Variants in ADGRG3 observed in about 807,000 individuals in gnomAD.
The protein encoded by ADGRG3 is G protein-coupled receptor 97.
ADGRG3 carries 39 observed loss-of-function variants against 54.3 expected under a neutral mutation model. The observed-to-expected ratio is 0.72, with a 90% CI of 0.56 to 0.94. The LOEUF (loss-of-function observed/expected upper bound fraction) is 0.94. ADGRG3 is among the 40% of genes least tolerant of loss of function. The pLI, the probability that ADGRG3 is intolerant of heterozygous loss-of-function variation, is 0.00. For synonymous variants in ADGRG3, 312 were observed against 290.0 expected (o/e 1.08, Z -0.77); for missense variants, 654 against 694.6 (o/e 0.94, Z 0.66).
At chr16:57,673,750 T>C (rs1166227407) in intron 2 of ADGRG3, among the ~76,000 whole-genome samples, 2 of 152,038 alleles carry the variant, frequency 1.3e-5, no homozygotes, top group Admixed American at 6.6e-5. Flanking sequence ...CCAGAGTGTA[T>C]ACAGAATGGC....
Position 57,688,403 on chromosome 16 carries a change from CCA to C in ADGRG3, c.1595_1596del (p.Thr532SerfsTer34). On this transcript the variant is annotated frameshift_variant, in exon 12 of 12. Coordinates refer to ENST00000333493, the MANE Select transcript of ADGRG3 (RefSeq NM_170776.5). LOFTEE classifies it low-confidence loss of function (END_TRUNC). Reference sequence around the variant, plus strand: ...ATCCTTTACCTCCCAAGTCAGAGCACCACAGTCTCCTCCTCTACTGCAAGATT... The same window carrying C: ...ATCCTTTACCTCCCAAGTCAGAGCACCAGTCTCCTCCTCTACTGCAAGATT... 2 of 1,613,774 alleles carry C rather than the reference CCA, an allele frequency of 1.2e-6. No individual in the cohort carries two copies. The highest frequency in any genetic ancestry group is 1.7e-6 in the Non-Finnish European group (2 of 1,179,682).
At chr16:57,686,698 G>A (rs1965228) in intron 11 of ADGRG3, 52,168 of 152,036 alleles carry the variant, frequency 0.34, 9,377 homozygotes, top group African/African-American at 0.45. Context: ...CATGGCTGCC[G>A]TAACCCTACC....
chr16:57,686,296 G>A (rs2048471437), intron 11 of ADGRG3, among the ~76,000 whole-genome samples: 1 of 152,152 alleles, frequency 6.6e-6, no homozygotes, highest in Non-Finnish European at 1.5e-5. Context: ...CACATGGCGA[G>A]AGTGGGAGCA....
Position 57,682,543 on chromosome 16 carries a change from C to T in ADGRG3, c.882-1389C>T, listed in dbSNP as rs139592712. ...AGCCGAGTGTGACTTGCCAGCTGGC[C>T]GCATTGCTGGACCCTGTGAGCGGGG... On this transcript the variant is annotated intron_variant, in intron 8 of 11. Transcript: ENST00000333493. 3,466 of 985,396 alleles carry T rather than the reference C, an allele frequency of 3.5e-3. 8 individuals carry two copies. The highest frequency in any genetic ancestry group is 3.8e-3 in the Non-Finnish European group (3,158 of 829,880). The allele number at this position is 985,396 out of a possible 1,614,324, so 61.0% of individuals were successfully genotyped here.
intron 11 of ADGRG3, among the ~76,000 whole-genome samples, chr16:57,687,097 T>A (rs1386332296): frequency 6.6e-6 from 1 of 152,168 alleles, no homozygotes; most frequent in African/African-American, 2.4e-5. Flanking sequence ...CAGGACTGGC[T>A]CCCAGCGCCC....
chr16:57,676,260 G>T lies in ADGRG3; in HGVS notation c.267G>T (p.Thr89=). 6.2e-7 allele frequency: 1 copy of T among 1,614,002 alleles called. No individual in the cohort carries two copies. Among genetic ancestry groups the T allele is most frequent in the Non-Finnish European group, 8.5e-7 (1 of 1,179,884 alleles). Reference sequence around the variant, plus strand: ...AAGGTTTGACGCAGAAGGTGAACACGCCTTTCCTGAAGGCTTTGGTCCAGA... The same window carrying T: ...AAGGTTTGACGCAGAAGGTGAACACTCCTTTCCTGAAGGCTTTGGTCCAGA... ...MKEGLTQKVN[T]PFLKALVQNL... The change falls in exon 3 of 12, where the codon ACG becomes ACT. Residue 89 remains threonine (T), a synonymous_variant. Transcript: ENST00000333493.
At chr16:57,682,572 G>T (rs1360121645) in intron 8 of ADGRG3, 3 of 985,322 alleles carry the variant, frequency 3.0e-6, no homozygotes, top group East Asian at 1.1e-4. Context: ...AGCGGGGCTT[G>T]GAGCGCCAGG....
rs200417931 is a variant in ADGRG3, at chr16:57,679,230, G to A, written c.546G>A (p.Val182=). The change falls in exon 5 of 12, where the codon GTG becomes GTA. Residue 182 remains valine, a synonymous_variant. Transcript: ENST00000333493. The part of the protein sequence containing the change: ...DGSGVLNNRL[V]GLSVGQMHVT... ...GCGGCGTGTTGAACAATCGCCTGGTGGGTTTGAGTGTGGGACAAATGCATG... is the reference window on the plus strand; with the variant it reads ...GCGGCGTGTTGAACAATCGCCTGGTAGGTTTGAGTGTGGGACAAATGCATG... 6.8e-6 allele frequency: 11 copies of A among 1,613,920 alleles called. No individual in the cohort carries two copies. Among genetic ancestry groups the A allele is most frequent in the Middle Eastern group, 1.6e-4 (1 of 6,080 alleles).
At chr16:57,670,605 T>C (rs1445466218) in intron 1 of ADGRG3, among the ~76,000 whole-genome samples, 1 of 152,032 alleles carries the variant, frequency 6.6e-6, no homozygotes, top group Non-Finnish European at 1.5e-5. Context: ...CCAACATAGA[T>C]CATACTATAT....
Position 57,679,849 on chromosome 16 carries a change from A to G in ADGRG3, c.661A>G (p.Thr221Ala). Reference protein sequence around the residue: ...MTLTCVFWDVTKGTTGDWSSE... With the variant: ...MTLTCVFWDVAKGTTGDWSSE... ...CCTCACCTGTGTATTCTGGGATGTGACTAAAGGTAGGGCCCGGAGGACCTT... is the reference window on the plus strand; with the variant it reads ...CCTCACCTGTGTATTCTGGGATGTGGCTAAAGGTAGGGCCCGGAGGACCTT... The change falls in exon 6 of 12, where the codon ACT (threonine) becomes GCT (alanine). Residue 221 changes from threonine (T) to alanine (A), a missense_variant. Coordinates refer to ENST00000333493, the MANE Select transcript of ADGRG3 (RefSeq NM_170776.5). 1 of 1,612,094 alleles carries G rather than the reference A, an allele frequency of 6.2e-7. No homozygotes were observed. Among genetic ancestry groups the G allele is most frequent in the Non-Finnish European group, 8.5e-7 (1 of 1,178,460 alleles).
intron 6 of ADGRG3, 37 bp from the exon 7 acceptor site, chr16:57,680,228 A>G: frequency 1.6e-6 from 2 of 1,245,704 alleles, no homozygotes; most frequent in Non-Finnish European, 1.1e-6. Flanking sequence ...CCCTCCCTAT[A>G]TTCCCTTTCC....
chr16:57,667,905 C>G (rs1333631046), upstream of ADGRG3, among the ~76,000 whole-genome samples: 1 of 152,246 alleles, frequency 6.6e-6, no homozygotes, highest in African/African-American at 2.4e-5. Context: ...CCATTGCCAT[C>G]TTCACTTTAC....
At chr16:57,666,383 G>C (rs1016198420), upstream of ADGRG3, among the ~76,000 whole-genome samples, 4 of 152,248 alleles carry the variant, frequency 2.6e-5, no homozygotes, top group Admixed American at 6.5e-5. Context: ...GTTCCATGCT[G>C]ATCCTTTTAC....
At chr16:57,670,723 C>G (rs1023994033) in intron 1 of ADGRG3, among the ~76,000 whole-genome samples, 21 of 152,144 alleles carry the variant, frequency 1.4e-4, no homozygotes, top group African/African-American at 5.1e-4. Context: ...AACGAATTAT[C>G]ACATATAGAG....
At chr16:57,679,775 T>C in intron 5 of ADGRG3, 41 bp from the exon 6 acceptor site, 3 of 1,570,452 alleles carry the variant, frequency 1.9e-6, no homozygotes, top group Non-Finnish European at 2.6e-6. Context: ...TCCCCCAAAC[T>C]TCCCTTTTCC....
upstream of ADGRG3, among the ~76,000 whole-genome samples, chr16:57,667,771 C>T (rs994894746): frequency 6.6e-6 from 1 of 152,218 alleles, no homozygotes; most frequent in Non-Finnish European, 1.5e-5. Context: ...TCTCCTCCCA[C>T]ACCCTCCAGC....
chr16:57,688,222 A>T, intron 11 of ADGRG3, 130 bp from the exon 12 acceptor site: 1 of 674,040 alleles, frequency 1.5e-6, no homozygotes, highest in Non-Finnish European at 2.7e-6. Flanking sequence ...AAATGGTTGC[A>T]TTTTTGCCTT....
At chr16:57,688,309 C>T in intron 11 of ADGRG3, 43 bp from the exon 12 acceptor site, 5 of 1,283,700 alleles carry the variant, frequency 3.9e-6, no homozygotes, top group East Asian at 4.6e-5. Flanking sequence ...CCACTCTCTG[C>T]CCACCCCTTT....
chr16:57,680,715 T>C lies in ADGRG3; in HGVS notation c.881+98T>C, dbSNP rs1462928299. On this transcript the variant is annotated intron_variant, in intron 8 of 11. Transcript: ENST00000333493. ...ATTCAGGTTGTGCAGCCTCTGACCG[T>C]TGTCCCCTCCACACGTTAGTGTCCT... 5 of 804,156 alleles carry C rather than the reference T, an allele frequency of 6.2e-6. No individual in the cohort carries two copies. The East Asian group carries it at 1.3e-4, about 21-fold the overall frequency. The allele number at this position is 804,156 out of a possible 1,614,324, so 49.8% of individuals were successfully genotyped here.
Sources: allele counts gnomAD v4.1 joint callset (sites outside exome capture counted in the v4.1 genomes callset), GRCh38; gene constraint gnomAD v4.1.1; transcripts MANE v1.5; gene names NCBI Gene and HGNC (gene_info 2026-07-23, HGNC 2026-07-21).